The following CFAP20DC variants were observed in gnomAD, a reference collection of about 807,000 sequenced individuals.
CFAP20DC encodes protein CFAP20DC.
CFAP20DC carries 84 observed loss-of-function variants against 101.7 expected under a neutral mutation model. The observed-to-expected ratio is 0.83, with a 90% confidence interval of 0.69 to 0.99. The LOEUF (loss-of-function observed/expected upper bound fraction) is 0.99, where lower values mean the gene tolerates loss of function less well. CFAP20DC is among the 50% of genes least tolerant of loss of function. The pLI is 0.00. For missense variants in CFAP20DC, 1,007 were observed against 970.3 expected (o/e 1.04, Z -0.50); for synonymous variants, 359 against 351.2 (o/e 1.02, Z -0.25).
intron 14 of CFAP20DC, among the ~76,000 whole-genome samples, chr3:58,806,839 C>A (rs973716387): frequency 3.9e-5 from 6 of 152,162 alleles, no homozygotes; most frequent in Admixed American, 2.0e-4. Context: ...ACAGATGGCA[C>A]CTGGAAAATC....
At chr3:58,890,443 C>G (rs1029919152) in intron 6 of CFAP20DC, among the ~76,000 whole-genome samples, 1 of 145,480 alleles carries the variant, frequency 6.9e-6, no homozygotes, top group African/African-American at 2.6e-5. Flanking sequence ...GGGGCTGACC[C>G]CCCCCACGTC....
intron 13 of CFAP20DC, among the ~76,000 whole-genome samples, chr3:58,833,015 A>G (rs184344942): frequency 7.9e-4 from 120 of 152,306 alleles, no homozygotes; most frequent in African/African-American, 2.7e-3. Context: ...TTAGATGTTT[A>G]TATCTCTACA....
intron 2 of CFAP20DC, among the ~76,000 whole-genome samples, chr3:59,046,616 T>A (rs75307737): frequency 0.039 from 5,932 of 151,994 alleles, 176 homozygotes; most frequent in Non-Finnish European, 0.053. Context: ...ATAAATAAAT[T>A]AATTAAATCA....
chr3:58,856,155 T>A (rs1302526157), intron 12 of CFAP20DC, among the ~76,000 whole-genome samples: 1 of 151,720 alleles, frequency 6.6e-6, no homozygotes, highest in Non-Finnish European at 1.5e-5. Context: ...ATAGTGTACC[T>A]CCAGTACACT....
intron 6 of CFAP20DC, among the ~76,000 whole-genome samples, chr3:58,911,615 A>G (rs143337596): frequency 5.6e-4 from 85 of 152,278 alleles, no homozygotes; most frequent in African/African-American, 1.9e-3. Flanking sequence ...ATATAGTAAC[A>G]CTTATAATAC....
At chr3:58,749,459 A>G (rs2068421893) in intron 16 of CFAP20DC, among the ~76,000 whole-genome samples, 1 of 152,214 alleles carries the variant, frequency 6.6e-6, no homozygotes, top group African/African-American at 2.4e-5. Context: ...GTGAGAAGCC[A>G]TAACATTTCT....
rs1559994718 is a variant in CFAP20DC at position 59,015,661 on chromosome 3, T to A, written c.278+23896A>T. 6.6e-6 allele frequency among the ~76,000 whole-genome samples: 1 copy of A among 152,202 alleles called. No individual in the cohort carries two copies. The highest frequency in any genetic ancestry group is 2.4e-5 in the African/African-American group (1 of 41,526). On this transcript the variant is annotated intron_variant, in intron 4 of 16. Coordinates refer to ENST00000482387, the MANE Select transcript of CFAP20DC (RefSeq NM_001394063.1). This position sits in a 1 kb window ranked among gnomAD's most constrained non-coding sequence, Gnocchi z 5.4. ...ACATTTACATCACTTTAGGAATTAG[T>A]TGCATTCCTGAATGTCTTTCATAAA...
chr3:58,785,985 A>T (rs865921252), intron 15 of CFAP20DC, among the ~76,000 whole-genome samples: 1 of 152,108 alleles, frequency 6.6e-6, no homozygotes, highest in African/African-American at 2.4e-5. Context: ...AAAGCCAAAA[A>T]CTGCTTACAT....
At chr3:58,769,230 T>C (rs915155328) in intron 15 of CFAP20DC, among the ~76,000 whole-genome samples, 2 of 152,196 alleles carry the variant, frequency 1.3e-5, no homozygotes, top group East Asian at 1.9e-4. Flanking sequence ...CTGATCTTCA[T>C]TGGCTGAGTG....
intron 4 of CFAP20DC, among the ~76,000 whole-genome samples, chr3:58,952,173 T>TC: frequency 6.6e-6 from 1 of 152,276 alleles, no homozygotes; most frequent in East Asian, 1.9e-4. Context: ...TATTCTTAGT[T>TC]TTCAGTGATA....
intron 16 of CFAP20DC, among the ~76,000 whole-genome samples, chr3:58,743,341 G>A (rs1559533170): frequency 1.3e-5 from 2 of 152,048 alleles, no homozygotes; most frequent in African/African-American, 4.8e-5. Flanking sequence ...GTTGTGCTAA[G>A]TACTTTTGTA....
chr3:58,783,891 C>A (rs990501105), intron 15 of CFAP20DC, among the ~76,000 whole-genome samples: 1 of 152,000 alleles, frequency 6.6e-6, no homozygotes. Context: ...GATACATGTG[C>A]AGATTTGTTA....
chr3:58,877,875 T>G (rs909402137), intron 7 of CFAP20DC, among the ~76,000 whole-genome samples: 1 of 152,138 alleles, frequency 6.6e-6, no homozygotes, highest in African/African-American at 2.4e-5. Flanking sequence ...ATGGGGTTTA[T>G]GAGGAATCCA....
chr3:58,769,285 G>A (rs1374531186), intron 15 of CFAP20DC, among the ~76,000 whole-genome samples: 2 of 152,170 alleles, frequency 1.3e-5, no homozygotes, highest in Non-Finnish European at 2.9e-5. Flanking sequence ...TGTAGTTTAT[G>A]TCTATCAGCC....
At chr3:59,012,673 C>T (rs1219130222) in intron 4 of CFAP20DC, among the ~76,000 whole-genome samples, 1 of 152,098 alleles carries the variant, frequency 6.6e-6, no homozygotes, top group Non-Finnish European at 1.5e-5. Flanking sequence ...TATAAAACTG[C>T]ATTATAATTT....
Position 59,028,291 on chromosome 3 carries a change from T to C in CFAP20DC, c.278+11266A>G, listed in dbSNP as rs187165431. Among the ~76,000 whole-genome samples, 18 of 152,308 alleles carry C rather than the reference T, an allele frequency of 1.2e-4. No individual in the cohort carries two copies. The East Asian group carries it at 3.5e-3, about 29-fold the overall frequency. On this transcript the variant is annotated intron_variant, in intron 4 of 16. Coordinates refer to ENST00000482387, the MANE Select transcript of CFAP20DC (RefSeq NM_001394063.1). The stretch of plus-strand genomic sequence containing the variant: ...TTCATTTAAAAAAGTCTAAAATGAA[T>C]TCATCACATTTGGGATGCAAAATGC...
chr3:58,754,865 G>A (rs2068822528), intron 15 of CFAP20DC, among the ~76,000 whole-genome samples: 1 of 152,154 alleles, frequency 6.6e-6, no homozygotes, highest in Admixed American at 6.6e-5. Context: ...TAACAAAAGA[G>A]TTGAGTGTTA....
intron 12 of CFAP20DC, among the ~76,000 whole-genome samples, chr3:58,850,302 T>G (rs182774302): frequency 2.6e-4 from 39 of 152,212 alleles, no homozygotes; most frequent in African/African-American, 9.4e-4. Flanking sequence ...TTTAAATATA[T>G]ATGGCCAGGC....
chr3:58,834,616 C>T (rs1276292543), intron 13 of CFAP20DC, among the ~76,000 whole-genome samples: 2 of 152,094 alleles, frequency 1.3e-5, no homozygotes, highest in African/African-American at 4.8e-5. Flanking sequence ...CCACCACTTA[C>T]CAGCTTTAAA....
Sources: allele counts gnomAD v4.1 joint callset (sites outside exome capture counted in the v4.1 genomes callset), GRCh38; gene constraint gnomAD v4.1.1; non-coding constraint Gnocchi (gnomAD v3.1); transcripts MANE v1.5; gene names NCBI Gene and HGNC (gene_info 2026-07-23, HGNC 2026-07-21).